DOCK7: variants seen among roughly 807,000 people sequenced by gnomAD.
DOCK7 encodes the protein dedicator of cytokinesis 7, also known as dedicator of cytokinesis protein 7.
DOCK7 carries 138 observed loss-of-function variants against 271.0 expected under a neutral mutation model. The observed-to-expected ratio is 0.51, with a 90% CI of 0.44 to 0.59. The LOEUF (loss-of-function observed/expected upper bound fraction) is 0.59. Ranked by LOEUF, DOCK7 falls within the 20% of genes least tolerant of loss-of-function variation. The pLI is 0.00. For missense variants in DOCK7, 2,066 were observed against 2,592.4 expected, an observed-to-expected ratio of 0.80 and a Z score of 4.41; for synonymous variants, 823 against 876.1, an observed-to-expected ratio of 0.94 and a Z score of 1.07.
intron 19 of DOCK7, among the ~76,000 whole-genome samples, chr1:62,560,123 T>C (rs902154601): frequency 4.6e-5 from 7 of 152,110 alleles, no homozygotes; most frequent in Non-Finnish European, 8.8e-5. Flanking sequence ...CCTTTGTGAA[T>C]TCTGCTTTCC....
At chr1:62,462,573 A>T (rs1201246080) in intron 48 of DOCK7, among the ~76,000 whole-genome samples, 1 of 152,230 alleles carries the variant, frequency 6.6e-6, no homozygotes, top group African/African-American at 2.4e-5. Context: ...AGCAAACCAG[A>T]CTTTCACCAC....
chr1:62,524,755 A>G (rs1478435332), intron 31 of DOCK7, among the ~76,000 whole-genome samples: 1 of 150,844 alleles, frequency 6.6e-6, no homozygotes, highest in Non-Finnish European at 1.5e-5. Context: ...AAAATTAGCC[A>G]GGCATGATGG....
intron 31 of DOCK7, among the ~76,000 whole-genome samples, chr1:62,524,879 G>A (rs1644952627): frequency 7.1e-6 from 1 of 140,178 alleles, no homozygotes; most frequent in African/African-American, 2.7e-5. Flanking sequence ...GCCTACCTGG[G>A]CTACAGTGCA....
At chr1:62,619,518 A>C (rs1160967459) in intron 13 of DOCK7, among the ~76,000 whole-genome samples, 1 of 152,238 alleles carries the variant, frequency 6.6e-6, no homozygotes, top group Non-Finnish European at 1.5e-5. Context: ...AGAGATTAAT[A>C]ACCCTAACTC....
At chr1:62,638,287 A>T (rs1272071887) in intron 7 of DOCK7, 4 of 152,098 alleles carry the variant, frequency 2.6e-5, no homozygotes, top group African/African-American at 9.7e-5. Flanking sequence ...CTTTCGATGA[A>T]CGAAAGTTGT....
chr1:62,640,366 C>T (rs1014050677), intron 7 of DOCK7, among the ~76,000 whole-genome samples: 1 of 151,934 alleles, frequency 6.6e-6, no homozygotes, highest in Non-Finnish European at 1.5e-5. Context: ...ACTAAAAATA[C>T]AAAAAATTAG....
intron 14 of DOCK7, chr1:62,601,767 A>G (rs867243797): frequency 6.3e-7 from 1 of 1,587,496 alleles, no homozygotes; most frequent in Non-Finnish European, 8.6e-7. Context: ...TATTGATTCT[A>G]GGCATTCCTG....
intron 48 of DOCK7, among the ~76,000 whole-genome samples, chr1:62,459,888 A>T (rs896349124): frequency 1.3e-5 from 2 of 152,066 alleles, no homozygotes; most frequent in Non-Finnish European, 2.9e-5. Flanking sequence ...TCATGAGGTC[A>T]GGAGATCGAG....
chr1:62,611,233 C>A (rs796934141), intron 14 of DOCK7, among the ~76,000 whole-genome samples: 5 of 152,100 alleles, frequency 3.3e-5, no homozygotes, highest in African/African-American at 1.2e-4. Context: ...AATTTTAATT[C>A]AATGTAACTG....
chr1:62,504,645 G>A lies in DOCK7; in HGVS notation c.4749C>T (p.Asn1583=), dbSNP rs920600675. 1.2e-6 allele frequency: 2 copies of A among 1,611,328 alleles called. No homozygotes were observed. The highest frequency in any genetic ancestry group is 1.7e-4 in the Middle Eastern group (1 of 6,054). ...SASLYLLMRQ[N]FEIGNNFARV... ...AAATACTTACATTCCCAATCTCAAA[G>A]TTTTGCCTCATTAGTAGGTAAAGGG... The change falls in exon 37 of 50, where the codon AAC becomes AAT. Residue 1583 remains asparagine, a synonymous_variant. Coordinates refer to ENST00000635253, the MANE Select transcript of DOCK7 (RefSeq NM_001367561.1).
At chr1:62,652,670 A>G (rs1402036849) in intron 4 of DOCK7, among the ~76,000 whole-genome samples, 1 of 152,184 alleles carries the variant, frequency 6.6e-6, no homozygotes, top group Non-Finnish European at 1.5e-5. Context: ...TCTGAGGTCA[A>G]TATATTTTAC....
Position 62,578,922 on chromosome 1 carries a change from G to C in DOCK7, c.1916C>G (p.Thr639Ser), listed in dbSNP as rs202089460. The C allele has an allele frequency of 6.2e-7, 1 of 1,602,324 alleles. No homozygotes were observed. The change falls in exon 17 of 50, where the codon ACT (threonine) becomes AGT (serine). Residue 639 changes from threonine to serine, a missense_variant. Thr to Ser is a moderately conservative substitution (Grantham distance 58). This residue lies in a region of DOCK7 where 1,414 missense variants were observed against 1,670.4 expected (regional missense o/e 0.85). Coordinates refer to ENST00000635253, the MANE Select transcript of DOCK7 (RefSeq NM_001367561.1). ...AAGCAAGTGATGATGGTCAGTTAAA[G>C]TAGCAGGAAGCTTAACCTTGATTTC... Reference protein sequence around the residue: ...HEEIKVKLPATLTDHHHLLFT... With the variant: ...HEEIKVKLPASLTDHHHLLFT...
intron 1 of DOCK7, among the ~76,000 whole-genome samples, chr1:62,682,742 A>T (rs1210479636): frequency 6.6e-6 from 1 of 152,210 alleles, no homozygotes; most frequent in Non-Finnish European, 1.5e-5. Context: ...CAAGGAAAGG[A>T]ATGTTTGGTT....
chr1:62,672,914 T>C (rs900671010), intron 1 of DOCK7, among the ~76,000 whole-genome samples: 2 of 152,122 alleles, frequency 1.3e-5, no homozygotes, highest in Non-Finnish European at 2.9e-5. Flanking sequence ...AACCCAGCCT[T>C]TCACAGGTCA....
intron 22 of DOCK7, among the ~76,000 whole-genome samples, chr1:62,551,639 G>C (rs1196079840): frequency 2.6e-5 from 4 of 151,884 alleles, no homozygotes; most frequent in African/African-American, 9.7e-5. Context: ...CATTATTAGT[G>C]ATTACAACTA....
At chr1:62,636,204 T>G (rs922010260) in intron 8 of DOCK7, among the ~76,000 whole-genome samples, 5 of 152,176 alleles carry the variant, frequency 3.3e-5, no homozygotes, top group Admixed American at 6.5e-5. Context: ...CTGGTGAGAA[T>G]TTGAAAATCA....
intron 33 of DOCK7, 99 bp from the exon 34 acceptor site, chr1:62,510,772 G>C: frequency 1.1e-6 from 1 of 888,346 alleles, no homozygotes; most frequent in Non-Finnish European, 1.7e-6. Flanking sequence ...ACAATAATTT[G>C]TACAAGCCAT....
At chr1:62,464,116 G>A (rs1405884991) in intron 48 of DOCK7, among the ~76,000 whole-genome samples, 2 of 152,042 alleles carry the variant, frequency 1.3e-5, no homozygotes, top group Non-Finnish European at 2.9e-5. Flanking sequence ...CTGGAGCACA[G>A]TGGTGCCATC....
intron 21 of DOCK7, among the ~76,000 whole-genome samples, chr1:62,553,348 ATATATATTTTTTTTTTTTTTT>A (rs1276151899): frequency 0.13 from 2,841 of 21,982 alleles, 37 homozygotes; most frequent in Middle Eastern, 0.15. Context: ...ATATATATAT[ATATATATTTTTTTTTTTTTTT>A]TTTTTTTTTT....
Sources: gnomAD v4.1 joint callset for allele counts (sites outside exome capture counted in the v4.1 genomes callset) on GRCh38, gnomAD v4.1.1 for gene constraint, gnomAD v4.1.1 regional missense constraint, MANE v1.5 for transcripts, NCBI Gene and HGNC (gene_info 2026-07-23, HGNC 2026-07-21) for gene names.